SPATA16: variants seen among roughly 807,000 people sequenced by gnomAD.
SPATA16 encodes the protein spermatogenesis-associated protein 16.
In SPATA16, 36 loss-of-function variants were observed where a neutral mutation model predicts 63.3. That is an observed-to-expected ratio of 0.57 (90% CI 0.44 to 0.75). The LOEUF (loss-of-function observed/expected upper bound fraction) is 0.75, where lower values mean the gene tolerates loss of function less well. Among genes scored for constraint, SPATA16 ranks in the 30% least tolerant of loss-of-function variants. The pLI is 0.00. For missense variants in SPATA16, 646 were observed against 679.3 expected (o/e 0.95, Z 0.54); for synonymous variants, 203 against 216.7 (o/e 0.94, Z 0.56).
At chr3:172,971,272 C>T (rs928145534) in intron 5 of SPATA16, among the ~76,000 whole-genome samples, 5 of 152,200 alleles carry the variant, frequency 3.3e-5, no homozygotes, top group African/African-American at 1.2e-4. Flanking sequence ...ACTTGGAACA[C>T]ATGCGCACAT....
Position 172,956,685 on chromosome 3 carries a change from A to C in SPATA16, c.1073T>G (p.Met358Arg), listed in dbSNP as rs199512283. ...AAGATATTGAATCTTACCTGTGTAC[A>C]TATACTCTGCATATGCAGGATGAGT... The part of the protein sequence containing the change: ...TKTHPAYAEY[M>R]YTDLQALHML... Residue 358 changes from methionine to arginine, a missense_variant, in exon 6 of 11, where the codon ATG becomes AGG. Transcript: ENST00000351008. 9.3e-6 allele frequency: 15 copies of C among 1,611,764 alleles called. No homozygotes were observed. Among genetic ancestry groups the C allele is most frequent in the Non-Finnish European group, 1.3e-5 (15 of 1,179,288 alleles).
Position 172,964,473 on chromosome 3 carries a change from T to G in SPATA16, c.934-7649A>C, listed in dbSNP as rs561038683. Among the ~76,000 whole-genome samples the G allele has an allele frequency of 3.3e-5, 5 of 152,280 alleles. No individual in the cohort carries two copies. In the East Asian group the frequency reaches 9.6e-4, roughly 29 times the overall value. On this transcript the variant is annotated intron_variant, in intron 5 of 10. Coordinates refer to ENST00000351008, the MANE Select transcript of SPATA16 (RefSeq NM_031955.6). ...CACAGAGCTTTTATTCTTGATGACT[T>G]AAAATGAATCACCAAAAGGTGTCAC...
rs554112868 is a variant in SPATA16, at chr3:172,992,204, A to G, written c.849-15152T>C. On this transcript the variant is annotated intron_variant, in intron 4 of 10. Transcript: ENST00000351008. ...TTCTATTTAAAAAACCACAGCTTGC[A>G]TGACATTTGTCTTTTTAAAAATTGT... Among the ~76,000 whole-genome samples the G allele has an allele frequency of 4.9e-4, 75 of 152,268 alleles. 1 individual carries two copies. The highest frequency in any genetic ancestry group is 1.8e-3 in the African/African-American group (74 of 41,546).
chr3:173,015,579 AG>A (rs1281286120), intron 4 of SPATA16, among the ~76,000 whole-genome samples: 1 of 152,150 alleles, frequency 6.6e-6, no homozygotes, highest in Non-Finnish European at 1.5e-5. Flanking sequence ...TCTTTCAATC[AG>A]GGTTCTAAAA....
intron 2 of SPATA16, among the ~76,000 whole-genome samples, chr3:173,080,964 GC>G (rs1736908717): frequency 1.3e-5 from 2 of 152,182 alleles, no homozygotes; most frequent in Admixed American, 6.5e-5. Flanking sequence ...AGAAGCAGCA[GC>G]ATCCCAGCCT....
chr3:173,104,641 G>T (rs1474960651), intron 2 of SPATA16, among the ~76,000 whole-genome samples: 3 of 152,084 alleles, frequency 2.0e-5, no homozygotes, highest in Non-Finnish European at 4.4e-5. Flanking sequence ...ACCAAGCCAT[G>T]ACCCAAACAC....
Position 172,925,311 on chromosome 3 carries a change from C to G in SPATA16, c.1228+35G>C, listed in dbSNP as rs763822690. The G allele has an allele frequency of 1.5e-5, 25 of 1,613,054 alleles. 1 individual carries two copies. In the South Asian group the frequency reaches 2.5e-4, roughly 16 times the overall value. ...GGGGCCCAAAACTCATCACAGGCTA[C>G]TATATGCTAGACCTTGTAGGTTCAG... On this transcript the variant is annotated intron_variant, in intron 7 of 10. Coordinates refer to ENST00000351008, the MANE Select transcript of SPATA16 (RefSeq NM_031955.6).
chr3:173,099,659 T>C (rs1056348034), intron 2 of SPATA16, among the ~76,000 whole-genome samples: 3 of 152,206 alleles, frequency 2.0e-5, no homozygotes, highest in Non-Finnish European at 4.4e-5. Context: ...ACTGTGTAAA[T>C]ATATTACCTA....
At chr3:173,101,426 C>T (rs1274917399) in intron 2 of SPATA16, among the ~76,000 whole-genome samples, 1 of 152,164 alleles carries the variant, frequency 6.6e-6, no homozygotes, top group African/African-American at 2.4e-5. Flanking sequence ...CTCAAAGGAG[C>T]CCACATCCCC....
chr3:172,899,494 A>C (rs1006260877), intron 10 of SPATA16, among the ~76,000 whole-genome samples: 12 of 151,810 alleles, frequency 7.9e-5, no homozygotes, highest in African/African-American at 2.9e-4. Context: ...TTCTTTTTAC[A>C]TTTTTTAACT....
chr3:173,102,071 A>G lies in SPATA16; in HGVS notation c.612+15049T>C, dbSNP rs147942721. On this transcript the variant is annotated intron_variant, in intron 2 of 10. Transcript: ENST00000351008. The stretch of plus-strand genomic sequence containing the variant: ...AATCATATAACTGCAGTTTATTTTC[A>G]TGTAGATTCATGATCCCTTTCCTTA... 4.8e-3 allele frequency among the ~76,000 whole-genome samples: 735 copies of G among 152,254 alleles called. 4 individuals are homozygous for G. The highest frequency in any genetic ancestry group is 0.017 in the Middle Eastern group (5 of 294).
chr3:172,905,844 A>G (rs1181908538), intron 10 of SPATA16, among the ~76,000 whole-genome samples: 2 of 152,178 alleles, frequency 1.3e-5, no homozygotes, highest in Non-Finnish European at 2.9e-5. Context: ...TTAAAGTGGC[A>G]TTTCTCCTCA....
At chr3:172,954,645 A>G (rs1298121525) in intron 6 of SPATA16, among the ~76,000 whole-genome samples, 6 of 152,090 alleles carry the variant, frequency 3.9e-5, no homozygotes, top group Non-Finnish European at 1.5e-5. Context: ...TCCTCTTCCC[A>G]TGCTGTATGC....
chr3:172,985,447 C>T (rs987034192), intron 4 of SPATA16, among the ~76,000 whole-genome samples: 1 of 151,994 alleles, frequency 6.6e-6, no homozygotes, highest in Non-Finnish European at 1.5e-5. Context: ...GACATGATGC[C>T]GATCTCTATG....
intron 1 of SPATA16, among the ~76,000 whole-genome samples, chr3:173,129,181 C>T (rs1485124340): frequency 6.6e-6 from 1 of 152,186 alleles, no homozygotes; most frequent in Non-Finnish European, 1.5e-5. Context: ...GATTGTGCTT[C>T]ACAGGAACTC....
intron 3 of SPATA16, among the ~76,000 whole-genome samples, chr3:173,046,329 T>A (rs553935669): frequency 6.6e-6 from 1 of 152,046 alleles, no homozygotes; most frequent in Non-Finnish European, 1.5e-5. Context: ...ATTTTGATAA[T>A]AGTTGTTTTC....
chr3:172,967,715 T>C (rs766369887), intron 5 of SPATA16, among the ~76,000 whole-genome samples: 19 of 152,214 alleles, frequency 1.2e-4, no homozygotes, highest in African/African-American at 2.2e-4. Flanking sequence ...CATTAGATTC[T>C]CATAGGAGCA....
chr3:173,069,637 A>G (rs1736617688), intron 2 of SPATA16, among the ~76,000 whole-genome samples: 1 of 152,226 alleles, frequency 6.6e-6, no homozygotes, highest in African/African-American at 2.4e-5. Flanking sequence ...TTATTCTATG[A>G]GGTCAGTATC....
intron 4 of SPATA16, among the ~76,000 whole-genome samples, chr3:173,002,300 G>A (rs1054999897): frequency 6.6e-6 from 1 of 152,086 alleles, no homozygotes; most frequent in African/African-American, 2.4e-5. Context: ...TAGAAGTCTG[G>A]TAACTCTGTT....
Sources: allele counts gnomAD v4.1 joint callset (sites outside exome capture counted in the v4.1 genomes callset), GRCh38; gene constraint gnomAD v4.1.1; transcripts MANE v1.5; gene names NCBI Gene and HGNC (gene_info 2026-07-23, HGNC 2026-07-21).